Variants in SLC25A26 observed in about 807,000 individuals in gnomAD.
SLC25A26 encodes mitochondrial S-adenosylmethionine carrier protein.
In SLC25A26, 36 loss-of-function variants were observed where a neutral mutation model predicts 37.8. That is an observed-to-expected ratio of 0.95 (90% CI 0.73 to 1.26). SLC25A26 has a LOEUF of 1.26. Ranked by LOEUF, SLC25A26 falls within the 50% of genes most tolerant of loss-of-function variation. The pLI, the probability that SLC25A26 is intolerant of heterozygous loss-of-function variation, is 0.00. For missense variants in SLC25A26, 390 were observed against 331.1 expected, an observed-to-expected ratio of 1.18 and a Z score of -1.38; for synonymous variants, 129 against 122.5, an observed-to-expected ratio of 1.05 and a Z score of -0.35.
chr3:66,249,745 T>C (rs1446752400), intron 3 of SLC25A26, among the ~76,000 whole-genome samples: 2 of 152,180 alleles, frequency 1.3e-5, no homozygotes, highest in African/African-American at 4.8e-5. Flanking sequence ...TCGTGGGGGA[T>C]AGGTGAAGTA....
chr3:66,255,655 G>T (rs1230996386), intron 3 of SLC25A26, among the ~76,000 whole-genome samples: 1 of 152,096 alleles, frequency 6.6e-6, no homozygotes, highest in Non-Finnish European at 1.5e-5. Flanking sequence ...TTACAGAATG[G>T]ATTTACCAAG....
chr3:66,265,460 G>T (rs921804871), intron 5 of SLC25A26, among the ~76,000 whole-genome samples: 3 of 152,182 alleles, frequency 2.0e-5, no homozygotes, highest in African/African-American at 7.2e-5. Flanking sequence ...ACAATTCTCT[G>T]TTAAAGAAAA....
rs888582582 is a variant in SLC25A26, at chr3:66,378,555, C to G, written c.*748C>G. ...TGTCAGACTGAAAGGAGGGCCTGGG[C>G]CAGCTTTGAAAAGGCAGGATGAAAT... On this transcript the variant is annotated 3_prime_UTR_variant, in exon 10 of 10. Coordinates refer to ENST00000354883, the MANE Select transcript of SLC25A26 (RefSeq NM_001379210.1). The G allele has an allele frequency of 4.6e-5, 7 of 152,552 alleles. No homozygotes were observed. The highest frequency in any genetic ancestry group is 8.8e-5 in the Non-Finnish European group (6 of 68,054). The allele number at this position is 152,552 out of a possible 1,614,324, so 9.4% of individuals were successfully genotyped here.
chr3:66,265,326 T>C (rs1317149826), intron 5 of SLC25A26, among the ~76,000 whole-genome samples: 1 of 152,034 alleles, frequency 6.6e-6, no homozygotes, highest in African/African-American at 2.4e-5. Context: ...AAAATAAAAA[T>C]AAAAAGAAGC....
chr3:66,188,172 G>C (rs1236988996), intron 1 of SLC25A26, among the ~76,000 whole-genome samples: 3 of 152,030 alleles, frequency 2.0e-5, no homozygotes, highest in Non-Finnish European at 4.4e-5. Flanking sequence ...TTGATCCCGT[G>C]CTTGACCTTG....
chr3:66,136,176 A>G (rs2069944208), intron 1 of SLC25A26, among the ~76,000 whole-genome samples: 1 of 152,214 alleles, frequency 6.6e-6, no homozygotes, highest in South Asian at 2.1e-4. Flanking sequence ...CTACTTGCAA[A>G]TTTATTTCAG....
intron 6 of SLC25A26, among the ~76,000 whole-genome samples, chr3:66,348,260 G>A (rs2076372729): frequency 6.6e-6 from 1 of 152,148 alleles, no homozygotes; most frequent in Non-Finnish European, 1.5e-5. Context: ...AAATTGTGTG[G>A]GTCTTTGTCA....
In SLC25A26 at chr3:66,236,719, A is replaced by G. The variant is rs2072308737; in HGVS notation, c.190+19A>G. 1 of 1,482,914 alleles carries G rather than the reference A, an allele frequency of 6.7e-7. No homozygotes were observed. Among genetic ancestry groups the G allele is most frequent in the Non-Finnish European group, 9.0e-7 (1 of 1,107,760 alleles). The allele number at this position is 1,482,914 out of a possible 1,614,324, so 91.9% of individuals were successfully genotyped here. ...CCTAATGGTAAAAAATTATATTCTC[A>G]CTTCTGTAAAGCCAAGATAAGATGG... On this transcript the variant is annotated intron_variant, in intron 2 of 9. Transcript: ENST00000354883.
chr3:66,184,173 C>T (rs546204051), intron 1 of SLC25A26, among the ~76,000 whole-genome samples: 1 of 152,126 alleles, frequency 6.6e-6, no homozygotes, highest in African/African-American at 2.4e-5. Flanking sequence ...AGCTCTAATA[C>T]TTATTCTGAC....
At position 66,298,305 on chromosome 3, in the gene SLC25A26, C is replaced by G. The variant is rs559133296; in HGVS notation, c.453+34926C>G. On this transcript the variant is annotated intron_variant, in intron 5 of 9. Coordinates refer to ENST00000354883, the MANE Select transcript of SLC25A26 (RefSeq NM_001379210.1). ...TGAAATGTTGGATATTATTACTAAG[C>G]TGGTGAAATTAATATTTTCTCTAGT... Among the ~76,000 whole-genome samples the G allele has an allele frequency of 7.6e-4, 116 of 152,264 alleles. 1 individual carries two copies. Among genetic ancestry groups the G allele is most frequent in the African/African-American group, 2.6e-3 (109 of 41,548 alleles).
chr3:66,142,898 G>T (rs2070056756), intron 1 of SLC25A26, among the ~76,000 whole-genome samples: 1 of 151,950 alleles, frequency 6.6e-6, no homozygotes, highest in South Asian at 2.1e-4. Flanking sequence ...TGAGTAGCTG[G>T]GATTACAGGC....
chr3:66,324,177 AGTGTGTGTGTGTGT>A (rs58406249), intron 5 of SLC25A26: 4,256 of 130,006 alleles, frequency 0.033, 95 homozygotes, highest in African/African-American at 0.056. Flanking sequence ...TTTGTTAAAA[AGTGTGTGTGTGTGT>A]GTGTGTGTGT....
At chr3:66,325,637 G>A (rs1042309841) in intron 5 of SLC25A26, among the ~76,000 whole-genome samples, 4 of 152,162 alleles carry the variant, frequency 2.6e-5, no homozygotes, top group Non-Finnish European at 5.9e-5. Context: ...TGATAAGGGG[G>A]TGCAGGGAAG....
chr3:66,341,008 T>A lies in SLC25A26; in HGVS notation c.454-5356T>A, dbSNP rs139883896. On this transcript the variant is annotated intron_variant, in intron 5 of 9. Coordinates refer to ENST00000354883, the MANE Select transcript of SLC25A26 (RefSeq NM_001379210.1). ...TCTCAGCAAAAACAATCATGTCATT[T>A]GTAAATGGGGACAGTTTTACTTCTT... is the stretch of plus-strand genomic sequence containing the variant. Among the ~76,000 whole-genome samples, 774 of 152,268 alleles carry A rather than the reference T, an allele frequency of 5.1e-3. 10 individuals are homozygous for A. The highest frequency in any genetic ancestry group is 0.014 in the African/African-American group (570 of 41,582).
intron 3 of SLC25A26, among the ~76,000 whole-genome samples, chr3:66,248,668 C>T (rs2072954402): frequency 6.6e-6 from 1 of 152,188 alleles, no homozygotes; most frequent in Non-Finnish European, 1.5e-5. Context: ...TGTCCTCATA[C>T]ACTTAGATGC....
intron 7 of SLC25A26, among the ~76,000 whole-genome samples, chr3:66,363,458 C>G (rs923783771): frequency 6.6e-6 from 1 of 152,202 alleles, no homozygotes; most frequent in South Asian, 2.1e-4. Context: ...TGGGCATTTT[C>G]GAGACATTAA....
intron 5 of SLC25A26, among the ~76,000 whole-genome samples, chr3:66,281,472 T>A (rs1166565661): frequency 6.6e-6 from 1 of 152,216 alleles, no homozygotes; most frequent in Non-Finnish European, 1.5e-5. Flanking sequence ...TACTGTCATT[T>A]TTCTATGAAT....
At chr3:66,179,898 A>G (rs1359693511) in intron 1 of SLC25A26, among the ~76,000 whole-genome samples, 2 of 152,206 alleles carry the variant, frequency 1.3e-5, no homozygotes, top group Non-Finnish European at 2.9e-5. Flanking sequence ...AGATTGATGC[A>G]TAGTTACAGT....
At chr3:66,302,258 T>G (rs529532688) in intron 5 of SLC25A26, among the ~76,000 whole-genome samples, 4 of 152,336 alleles carry the variant, frequency 2.6e-5, no homozygotes, top group Non-Finnish European at 5.9e-5. Flanking sequence ...GCCCAAAATG[T>G]TGGACTCAAG....
Sources: gnomAD v4.1 joint callset for allele counts (sites outside exome capture counted in the v4.1 genomes callset) on GRCh38, gnomAD v4.1.1 for gene constraint, MANE v1.5 for transcripts, NCBI Gene and HGNC (gene_info 2026-07-23, HGNC 2026-07-21) for gene names.